JAZF1: variants seen among roughly 807,000 people sequenced by gnomAD.
JAZF1 encodes JAZF zinc finger 1.
JAZF1 carries 8 observed loss-of-function variants against 26.4 expected under a neutral mutation model. That is an observed-to-expected ratio of 0.30 (90% CI 0.18 to 0.55). JAZF1 has a LOEUF of 0.55. JAZF1 is among the 20% of genes least tolerant of loss of function. The probability of loss-of-function intolerance (pLI) is 0.94; values close to 1 mark genes in which losing one functional copy is unlikely to be tolerated. For missense variants in JAZF1, 199 were observed against 322.0 expected, an observed-to-expected ratio of 0.62 and a Z score of 2.92; for synonymous variants, 126 against 122.3, an observed-to-expected ratio of 1.03 and a Z score of -0.20.
chr7:27,932,542 TAC>T (rs1442009915), intron 2 of JAZF1, among the ~76,000 whole-genome samples: 1 of 152,190 alleles, frequency 6.6e-6, no homozygotes, highest in Non-Finnish European at 1.5e-5. Flanking sequence ...CAACATGAAA[TAC>T]AGACTTTTAA....
intron 1 of JAZF1, 177 bp from the exon 2 acceptor site, chr7:27,992,158 A>G: frequency 1.5e-6 from 1 of 673,796 alleles, no homozygotes; most frequent in African/African-American, 1.8e-5. Context: ...AAATAACAAG[A>G]TATTGCATTA....
At chr7:28,025,516 C>G (rs2128373743) in intron 1 of JAZF1, among the ~76,000 whole-genome samples, 1 of 151,968 alleles carries the variant, frequency 6.6e-6, no homozygotes, top group African/African-American at 2.4e-5. Flanking sequence ...AGTTCTGACT[C>G]CAAGGCCAGC....
intron 1 of JAZF1, among the ~76,000 whole-genome samples, chr7:28,179,693 C>G (rs1439159941): frequency 1.4e-5 from 2 of 148,090 alleles, no homozygotes; most frequent in Non-Finnish European, 3.0e-5. Flanking sequence ...CAGGCCGGGG[C>G]AGGGGAGGGC....
chr7:27,897,270 A>G (rs141482187), intron 2 of JAZF1, among the ~76,000 whole-genome samples: 7 of 152,302 alleles, frequency 4.6e-5, no homozygotes, highest in African/African-American at 1.7e-4. Context: ...AAACACGGAC[A>G]TGCTTATGGG....
At chr7:27,902,978 T>G (rs1784190143) in intron 2 of JAZF1, among the ~76,000 whole-genome samples, 1 of 139,350 alleles carries the variant, frequency 7.2e-6, no homozygotes, top group Non-Finnish European at 1.5e-5. Context: ...ATCGCGCCAC[T>G]GCACTCCAGC....
rs569715951 is a variant in JAZF1 at position 27,859,550 on chromosome 7, T to A, written c.386-18683A>T. Among the ~76,000 whole-genome samples the A allele has an allele frequency of 3.3e-5, 5 of 152,222 alleles. No homozygotes were observed. In the East Asian group the frequency reaches 9.6e-4, roughly 29 times the overall value. On this transcript the variant is annotated intron_variant, in intron 3 of 4. Transcript: ENST00000283928. ...AATACTATGCAGCCATAAAATAGGA[T>A]GAGGTCATGTCCTTTGCAGGGACAT...
At chr7:28,013,653 T>C (rs1047849741) in intron 1 of JAZF1, among the ~76,000 whole-genome samples, 1 of 152,072 alleles carries the variant, frequency 6.6e-6, no homozygotes, top group African/African-American at 2.4e-5. Flanking sequence ...AGATGACACA[T>C]AGTAACGGGC....
At chr7:28,165,517 C>T (rs1783354776) in intron 1 of JAZF1, among the ~76,000 whole-genome samples, 1 of 152,170 alleles carries the variant, frequency 6.6e-6, no homozygotes, top group Non-Finnish European at 1.5e-5. Context: ...ATTAGGTTCC[C>T]TCCGTGTGGT....
At chr7:27,858,956 G>T (rs1376070378) in intron 3 of JAZF1, among the ~76,000 whole-genome samples, 2 of 152,066 alleles carry the variant, frequency 1.3e-5, no homozygotes, top group Non-Finnish European at 2.9e-5. Context: ...TACAGAATGG[G>T]AGAAAATTTT....
chr7:28,036,450 C>CCA (rs2128376115), intron 1 of JAZF1, among the ~76,000 whole-genome samples: 1 of 152,240 alleles, frequency 6.6e-6, no homozygotes, highest in South Asian at 2.1e-4. Flanking sequence ...TCATCTGGTG[C>CCA]CATAGTCTTC....
In JAZF1 at chr7:27,988,679, A is replaced by T. The variant is rs138097225; in HGVS notation, c.188+3230T>A. 5.0e-3 allele frequency among the ~76,000 whole-genome samples: 767 copies of T among 152,238 alleles called. 10 individuals carry two copies. The highest frequency in any genetic ancestry group is 0.012 in the South Asian group (57 of 4,826). Reference sequence around the variant, plus strand: ...TGTGATTTTTTAAAAGACCTTGCCAATGTCATAGGTAAAAAAAATAGCATA... The same window carrying T: ...TGTGATTTTTTAAAAGACCTTGCCATTGTCATAGGTAAAAAAAATAGCATA... On this transcript the variant is annotated intron_variant, in intron 2 of 4. Coordinates refer to ENST00000283928, the MANE Select transcript of JAZF1 (RefSeq NM_175061.4).
intron 1 of JAZF1, among the ~76,000 whole-genome samples, chr7:28,010,653 T>A (rs758887762): frequency 3.9e-5 from 6 of 152,174 alleles, no homozygotes; most frequent in Non-Finnish European, 7.3e-5. Flanking sequence ...GCCTTAATAG[T>A]CAGGTATATT....
At chr7:27,909,027 A>ATTCATTCATT (rs10690251) in intron 2 of JAZF1, among the ~76,000 whole-genome samples, 8 of 151,932 alleles carry the variant, frequency 5.3e-5, no homozygotes, top group Admixed American at 4.6e-4. Flanking sequence ...TCATTCATTC[A>ATTCATTCATT]GAGGCAGAAT....
intron 1 of JAZF1, among the ~76,000 whole-genome samples, chr7:28,175,240 C>T (rs1284972264): frequency 6.6e-6 from 1 of 152,160 alleles, no homozygotes. Context: ...AACACCAGCA[C>T]TAGACTGTTG....
chr7:27,991,042 G>A (rs1246520832), intron 2 of JAZF1, among the ~76,000 whole-genome samples: 2 of 152,126 alleles, frequency 1.3e-5, no homozygotes, highest in East Asian at 1.9e-4. Flanking sequence ...AATCAATTAA[G>A]TTTTCTAAAA....
intron 1 of JAZF1, among the ~76,000 whole-genome samples, chr7:28,048,569 T>A (rs1345499413): frequency 6.6e-6 from 1 of 152,240 alleles, no homozygotes; most frequent in Non-Finnish European, 1.5e-5. Flanking sequence ...CTCTGAGAAC[T>A]GCTTTGGCCA....
At chr7:27,956,158 A>G (rs1785087813) in intron 2 of JAZF1, among the ~76,000 whole-genome samples, 1 of 152,204 alleles carries the variant, frequency 6.6e-6, no homozygotes, top group African/African-American at 2.4e-5. Flanking sequence ...GCGTTTCACA[A>G]AAATCAGAAC....
chr7:28,056,435 TACACACACACAC>T (rs3073772), intron 1 of JAZF1, among the ~76,000 whole-genome samples: 372 of 98,194 alleles, frequency 3.8e-3, no homozygotes, highest in Non-Finnish European at 5.4e-3. Context: ...TTTCAACAAC[TACACACACACAC>T]ACACACACAC....
chr7:27,946,297 A>ACTAATT (rs2067579046), intron 2 of JAZF1, among the ~76,000 whole-genome samples: 1 of 152,110 alleles, frequency 6.6e-6, no homozygotes, highest in South Asian at 2.1e-4. Flanking sequence ...GGGAAATTAA[A>ACTAATT]TGTTCTGGTT....
Sources: gnomAD v4.1 joint callset for allele counts (sites outside exome capture counted in the v4.1 genomes callset) on GRCh38, gnomAD v4.1.1 for gene constraint, MANE v1.5 for transcripts, NCBI Gene and HGNC (gene_info 2026-07-23, HGNC 2026-07-21) for gene names.